CCDC180: variants seen among roughly 807,000 people sequenced by gnomAD.
The protein encoded by CCDC180 is coiled-coil domain-containing protein 180.
In CCDC180, 154 loss-of-function variants were observed where a neutral mutation model predicts 209.2. The ratio of observed to expected loss-of-function variants is 0.74; its 90% CI spans 0.65 to 0.84. The LOEUF (loss-of-function observed/expected upper bound fraction) is 0.84. Among genes scored for constraint, CCDC180 ranks in the 40% least tolerant of loss-of-function variants. The pLI, the probability that CCDC180 is intolerant of heterozygous loss-of-function variation, is 0.00. For synonymous variants in CCDC180, 778 were observed against 749.1 expected, an observed-to-expected ratio of 1.04 and a Z score of -0.63; for missense variants, 1,874 against 1,997.3, an observed-to-expected ratio of 0.94 and a Z score of 1.18.
In CCDC180 at chr9:97,377,620, C is replaced by T. The variant is rs1827293490; in HGVS notation, c.*726C>T. The T allele has an allele frequency of 6.6e-6, 1 of 152,270 alleles. No individual in the cohort carries two copies. Among genetic ancestry groups the T allele is most frequent in the Admixed American group, 6.5e-5 (1 of 15,268 alleles). The allele number at this position is 152,270 out of a possible 1,614,324, so 9.4% of individuals were successfully genotyped here. A position where few individuals can be genotyped will look rare whatever the true frequency, so the allele number is the denominator to read the frequency against. Reference sequence around the variant, plus strand: ...AGCCCCTGAAAGCTGTGTGACCCTCCAAGTGCAGTTCCCTCACCTGGGGAC... The same window carrying T: ...AGCCCCTGAAAGCTGTGTGACCCTCTAAGTGCAGTTCCCTCACCTGGGGAC... On this transcript the variant is annotated 3_prime_UTR_variant, in exon 37 of 37. Transcript: ENST00000529487.
intron 3 of CCDC180, 146 bp downstream of exon 3, chr9:97,309,750 G>A: frequency 1.7e-6 from 1 of 603,956 alleles, no homozygotes; most frequent in Non-Finnish European, 2.7e-6. Context: ...TACCTACCTT[G>A]CAGGATGGTT....
Position 97,330,314 on chromosome 9 carries a change from A to G in CCDC180, c.1829-8A>G, listed in dbSNP as rs1564155711. ...CTCTCCTTGTGCTTTGGTGTTTATC[A>G]TCAACAGAAGCACATGAAAAACCCT... On this transcript the variant is annotated splice_region_variant and splice_polypyrimidine_tract_variant and intron_variant, in intron 17 of 36. Coordinates refer to ENST00000529487, the MANE Select transcript of CCDC180 (RefSeq NM_020893.6). 2.5e-6 allele frequency: 4 copies of G among 1,612,896 alleles called. No individual in the cohort carries two copies. The highest frequency in any genetic ancestry group is 3.3e-5 in the Admixed American group (2 of 59,806).
In CCDC180 at chr9:97,309,560, C is replaced by T. The variant is rs756492243; in HGVS notation, c.216C>T (p.His72=). ...VMSPRQQKWM[H]SLPNDWIMEN... is the part of the protein sequence containing the mutation. ...CTCCCCGACAGCAGAAGTGGATGCACAGCCTCCCCAACGACTGGATCATGG... is the reference window on the plus strand; with the variant it reads ...CTCCCCGACAGCAGAAGTGGATGCATAGCCTCCCCAACGACTGGATCATGG... Residue 72 remains histidine (H), a synonymous_variant, in exon 3 of 37, where the codon CAC becomes CAT. Transcript: ENST00000529487. 51 of 1,592,204 alleles carry T rather than the reference C, an allele frequency of 3.2e-5. No homozygotes were observed. The Admixed American group carries it at 8.9e-4, about 28-fold the overall frequency.
chr9:97,342,171 G>A (rs562815563), intron 18 of CCDC180, among the ~76,000 whole-genome samples: 164 of 152,262 alleles, frequency 1.1e-3, no homozygotes, highest in African/African-American at 3.7e-3. Flanking sequence ...CTCACCCTCC[G>A]TGGGCTGCAC....
rs1373155945 is a variant in CCDC180, at chr9:97,318,501, C to G, written c.998C>G (p.Ala333Gly). The change falls in exon 10 of 37, where the codon GCT becomes GGT. Residue 333 changes from alanine to glycine, a missense_variant. Coordinates refer to ENST00000529487, the MANE Select transcript of CCDC180 (RefSeq NM_020893.6). ...MASESIHTPPAVTKELEVMLK... is the reference protein window; with the variant it reads ...MASESIHTPPGVTKELEVMLK... ...AGTGAGAGTATCCATACTCCCCCGG[C>G]TGTGACGAAGGAGCTAGAGGTCATG... 1 of 1,613,844 alleles carries G rather than the reference C, an allele frequency of 6.2e-7. No individual in the cohort carries two copies. The highest frequency in any genetic ancestry group is 2.2e-5 in the East Asian group (1 of 44,882).
At chr9:97,374,323 A>G (rs1587840035) in intron 34 of CCDC180, 1 of 535,244 alleles carries the variant, frequency 1.9e-6, no homozygotes, top group East Asian at 3.1e-5. Flanking sequence ...CACCCACACC[A>G]CCGCTTAGAT....
At chr9:97,345,146 G>A (rs1826211397) in intron 19 of CCDC180, among the ~76,000 whole-genome samples, 1 of 152,132 alleles carries the variant, frequency 6.6e-6, no homozygotes, top group Non-Finnish European at 1.5e-5. Flanking sequence ...TACCAATAAT[G>A]TTGCTCTGAA....
At position 97,347,375 on chromosome 9, in the gene CCDC180, C is replaced by T. The variant is rs552443756; in HGVS notation, c.2560C>T (p.Arg854Trp). The change falls in exon 20 of 37, where the codon CGG becomes TGG. Residue 854 changes from arginine to tryptophan, a missense_variant. Transcript: ENST00000529487. ...KWFDQCSLNT[R>W]VTVATKINEL... ...GTTTGACCAGTGTTCCCTCAACACC[C>T]GGGTCACCGTGGCCACCAAAATCAA... 4.9e-5 allele frequency: 75 copies of T among 1,536,110 alleles called. No homozygotes were observed. Among genetic ancestry groups the T allele is most frequent in the African/African-American group, 1.9e-4 (14 of 73,162 alleles).
Position 97,374,569 on chromosome 9 carries a change from T to C in CCDC180, c.4627T>C (p.Ser1543Pro). The change falls in exon 35 of 37, where the codon TCA becomes CCA. Residue 1543 changes from serine to proline, a missense_variant. Transcript: ENST00000529487. ...ARMEPPKQKL[S>P]MLIRRKLAGL... ...GATGGAGCCCCCCAAACAGAAATTA[T>C]CAATGCTCATACGAAGGAAACTCGC... 1 of 1,614,020 alleles carries C rather than the reference T, an allele frequency of 6.2e-7. No individual in the cohort carries two copies. The highest frequency in any genetic ancestry group is 2.2e-5 in the East Asian group (1 of 44,872).
chr9:97,345,460 G>A (rs1424270190), intron 19 of CCDC180: 1 of 333,652 alleles, frequency 3.0e-6, no homozygotes, highest in Non-Finnish European at 5.7e-6. Flanking sequence ...TGATGAGTAT[G>A]ATATTGTATA....
Position 97,362,249 on chromosome 9 carries a change from C to T in CCDC180, c.3710C>T (p.Thr1237Ile), listed in dbSNP as rs1327836450. 3.1e-6 allele frequency: 5 copies of T among 1,614,022 alleles called. No individual in the cohort carries two copies. Among genetic ancestry groups the T allele is most frequent in the Non-Finnish European group, 4.2e-6 (5 of 1,180,036 alleles). ...THHCDKDPSQ[T>I]GRGAWACGSR... ...CATTGTGACAAAGATCCGTCCCAGA[C>T]AGGTAGAGGCGCATGGGCCTGTGGG... The change falls in exon 28 of 37, where the codon ACA becomes ATA. Residue 1237 changes from threonine (T) to isoleucine (I), a missense_variant. Thr to Ile is a moderately conservative substitution (Grantham distance 89, BLOSUM62 -1). Transcript: ENST00000529487.
intron 36 of CCDC180, 146 bp downstream of exon 36, chr9:97,375,735 C>A: frequency 1.1e-6 from 1 of 914,994 alleles, no homozygotes; most frequent in Non-Finnish European, 1.7e-6. Flanking sequence ...CTGCAGGTCT[C>A]AACACTCAGG....
At chr9:97,311,910 G>A (rs545191560) in intron 3 of CCDC180, among the ~76,000 whole-genome samples, 17 of 152,234 alleles carry the variant, frequency 1.1e-4, no homozygotes, top group African/African-American at 4.1e-4. Context: ...AGGGACCCAC[G>A]GTGTCTGTTG....
intron 18 of CCDC180, among the ~76,000 whole-genome samples, chr9:97,342,423 A>G (rs751807994): frequency 6.2e-4 from 94 of 151,156 alleles, no homozygotes; most frequent in Non-Finnish European, 9.0e-4. Context: ...AATCCTATTC[A>G]ACCATCTTGG....
At chr9:97,308,579 C>A (rs942484931) in intron 2 of CCDC180, among the ~76,000 whole-genome samples, 6 of 152,198 alleles carry the variant, frequency 3.9e-5, no homozygotes, top group Non-Finnish European at 8.8e-5. Flanking sequence ...ACCTAGGACT[C>A]CCATAACTGT....
intron 18 of CCDC180, among the ~76,000 whole-genome samples, chr9:97,337,912 A>T (rs1335455138): frequency 6.6e-6 from 1 of 152,114 alleles, no homozygotes; most frequent in East Asian, 1.9e-4. Context: ...TGTGTCCAGG[A>T]ATTTATCTAT....
At chr9:97,353,654 A>G (rs945208964) in intron 22 of CCDC180, among the ~76,000 whole-genome samples, 1 of 152,236 alleles carries the variant, frequency 6.6e-6, no homozygotes, top group Admixed American at 6.5e-5. Context: ...ACCCAGGACC[A>G]ATTAGAATTC....
chr9:97,337,591 T>A (rs1294249125), intron 18 of CCDC180, among the ~76,000 whole-genome samples: 2 of 152,180 alleles, frequency 1.3e-5, no homozygotes, highest in African/African-American at 4.8e-5. Context: ...ATTTTTGCAT[T>A]GATGTTCATC....
intron 8 of CCDC180, 102 bp from the exon 9 acceptor site, chr9:97,316,963 A>T: frequency 8.5e-7 from 1 of 1,182,662 alleles, no homozygotes; most frequent in Non-Finnish European, 1.2e-6. Context: ...CTCACCCTGC[A>T]CCTCCCCTCT....
Sources: allele counts gnomAD v4.1 joint callset (sites outside exome capture counted in the v4.1 genomes callset), GRCh38; gene constraint gnomAD v4.1.1; transcripts MANE v1.5; gene names NCBI Gene and HGNC (gene_info 2026-07-23, HGNC 2026-07-21).